Variants in MYO1D observed in about 807,000 individuals in gnomAD.
The protein encoded by MYO1D is unconventional myosin-Id.
A neutral mutation model predicts 122.0 loss-of-function variants in MYO1D; 83 were observed. That is an observed-to-expected ratio of 0.68 (90% confidence interval 0.57 to 0.82). The LOEUF (loss-of-function observed/expected upper bound fraction) is 0.82, where lower values mean the gene tolerates loss of function less well. MYO1D is among the 40% of genes least tolerant of loss of function. The pLI is 0.00. For missense variants in MYO1D, 1,157 were observed against 1,269.5 expected (o/e 0.91, Z 1.35); for synonymous variants, 464 against 446.9 (o/e 1.04, Z -0.48).
intron 1 of MYO1D, among the ~76,000 whole-genome samples, chr17:32,818,437 T>C (rs986660231): frequency 6.7e-4 from 102 of 152,196 alleles, no homozygotes; most frequent in Non-Finnish European, 1.2e-3. Flanking sequence ...CCACTTGAGA[T>C]GACACTGCAA....
chr17:32,585,686 C>T (rs549092867), intron 21 of MYO1D, among the ~76,000 whole-genome samples: 11 of 149,602 alleles, frequency 7.4e-5, no homozygotes, highest in Admixed American at 1.3e-4. Flanking sequence ...GCTGAGATCG[C>T]GCCACTGCAC....
intron 21 of MYO1D, among the ~76,000 whole-genome samples, chr17:32,583,407 A>T (rs1210272428): frequency 2.0e-5 from 3 of 152,026 alleles, no homozygotes; most frequent in African/African-American, 4.8e-5. Context: ...CTAAGGGTTT[A>T]TATAGTTTTC....
intron 21 of MYO1D, among the ~76,000 whole-genome samples, chr17:32,537,878 C>T (rs1240149029): frequency 6.6e-6 from 1 of 152,076 alleles, no homozygotes; most frequent in African/African-American, 2.4e-5. Context: ...CTATAGTTGT[C>T]AAAAGTTCAG....
intron 8 of MYO1D, among the ~76,000 whole-genome samples, chr17:32,761,302 CA>C (rs2089999620): frequency 1.3e-5 from 2 of 152,140 alleles, no homozygotes; most frequent in Admixed American, 1.3e-4. Flanking sequence ...CTCTTCAATC[CA>C]CTCCAGTCTC....
intron 20 of MYO1D, among the ~76,000 whole-genome samples, chr17:32,613,789 C>CAAA (rs60701225): frequency 0.14 from 7,373 of 51,036 alleles, 1,519 homozygotes; most frequent in East Asian, 0.22. Flanking sequence ...GATTCCATCT[C>CAAA]AAAAAAAAAA....
intron 16 of MYO1D, among the ~76,000 whole-genome samples, chr17:32,688,316 C>A (rs574535081): frequency 6.6e-6 from 1 of 152,152 alleles, no homozygotes; most frequent in Non-Finnish European, 1.5e-5. Flanking sequence ...AATAGATATG[C>A]CCACACCATC....
At chr17:32,742,109 T>C (rs888016642) in intron 13 of MYO1D, among the ~76,000 whole-genome samples, 1 of 152,206 alleles carries the variant, frequency 6.6e-6, no homozygotes, top group Non-Finnish European at 1.5e-5. Context: ...GGGGTCATTA[T>C]TCTCTAAACA....
At chr17:32,508,542 C>T (rs887682547) in intron 21 of MYO1D, among the ~76,000 whole-genome samples, 2 of 152,154 alleles carry the variant, frequency 1.3e-5, no homozygotes, top group Non-Finnish European at 2.9e-5. Context: ...TCCCAAAGTA[C>T]CAGGATTACA....
intron 11 of MYO1D, among the ~76,000 whole-genome samples, chr17:32,753,566 A>G (rs1361803035): frequency 6.6e-6 from 1 of 152,218 alleles, no homozygotes; most frequent in African/African-American, 2.4e-5. Flanking sequence ...TTCATGTCAA[A>G]TCAGTAGCAA....
At chr17:32,707,097 G>T (rs928544181) in intron 16 of MYO1D, among the ~76,000 whole-genome samples, 1 of 151,992 alleles carries the variant, frequency 6.6e-6, no homozygotes, top group African/African-American at 2.4e-5. Context: ...AAGAGTTTAC[G>T]ATTAACAGAG....
chr17:32,508,102 G>A (rs1024715044), intron 21 of MYO1D, among the ~76,000 whole-genome samples: 1 of 151,750 alleles, frequency 6.6e-6, no homozygotes, highest in Admixed American at 6.6e-5. Flanking sequence ...TCATCATGTT[G>A]GCCAGGCTGG....
At chr17:32,538,356 C>T (rs1056171401) in intron 21 of MYO1D, among the ~76,000 whole-genome samples, 2 of 151,078 alleles carry the variant, frequency 1.3e-5, no homozygotes, top group South Asian at 4.2e-4. Context: ...ATGATCATAG[C>T]TCACTGTAAC....
intron 16 of MYO1D, among the ~76,000 whole-genome samples, chr17:32,669,001 C>T (rs543369143): frequency 5.3e-5 from 8 of 151,194 alleles, no homozygotes; most frequent in Admixed American, 1.3e-4. Context: ...TGCGCCTGGC[C>T]GAAGCTCTGA....
chr17:32,653,628 A>AT (rs1567931354), intron 19 of MYO1D, among the ~76,000 whole-genome samples: 1 of 137,042 alleles, frequency 7.3e-6, no homozygotes, highest in African/African-American at 2.6e-5. Flanking sequence ...AAAAAAAAAA[A>AT]GGTTATCACT....
intron 1 of MYO1D, among the ~76,000 whole-genome samples, chr17:32,861,459 T>G (rs948974957): frequency 5.3e-4 from 80 of 152,146 alleles, no homozygotes; most frequent in African/African-American, 1.7e-3. Context: ...TTCAGCCATC[T>G]CCCAGACCAG....
At chr17:32,808,156 T>C (rs973652217) in intron 1 of MYO1D, among the ~76,000 whole-genome samples, 2 of 152,064 alleles carry the variant, frequency 1.3e-5, no homozygotes, top group African/African-American at 4.8e-5. Flanking sequence ...GGAGGACTGT[T>C]TGAGGTCAGG....
chr17:32,757,117 C>CA (rs990075448), intron 10 of MYO1D, among the ~76,000 whole-genome samples: 1 of 152,152 alleles, frequency 6.6e-6, no homozygotes, highest in Non-Finnish European at 1.5e-5. Context: ...CATGTATTCC[C>CA]ATTTCATGCT....
intron 15 of MYO1D, among the ~76,000 whole-genome samples, chr17:32,720,643 C>G (rs1015016098): frequency 2.0e-5 from 3 of 152,068 alleles, no homozygotes; most frequent in Admixed American, 1.3e-4. Flanking sequence ...TCATAACAGT[C>G]CTATGAAATG....
intron 7 of MYO1D, among the ~76,000 whole-genome samples, chr17:32,765,425 T>C (rs2090045661): frequency 6.6e-6 from 1 of 152,156 alleles, no homozygotes; most frequent in Non-Finnish European, 1.5e-5. Context: ...CTAATGCTTT[T>C]ATAGTTTTTG....
Sources: gnomAD v4.1 joint callset for allele counts (sites outside exome capture counted in the v4.1 genomes callset) on GRCh38, gnomAD v4.1.1 for gene constraint, MANE v1.5 for transcripts, NCBI Gene and HGNC (gene_info 2026-07-23, HGNC 2026-07-21) for gene names.